SCFD2: variants seen among roughly 807,000 people sequenced by gnomAD.
SCFD2 encodes sec1 family domain containing 2, also known as sec1 family domain-containing protein 2.
A neutral mutation model predicts 58.9 loss-of-function variants in SCFD2; 54 were observed. The ratio of observed to expected loss-of-function variants is 0.92; its 90% confidence interval spans 0.74 to 1.15. The LOEUF (loss-of-function observed/expected upper bound fraction) is 1.15. SCFD2 is among the 50% of genes most tolerant of loss of function. SCFD2 has a pLI of 0.00. For synonymous variants in SCFD2, 321 were observed against 335.9 expected, an observed-to-expected ratio of 0.96 and a Z score of 0.49; for missense variants, 805 against 836.6, an observed-to-expected ratio of 0.96 and a Z score of 0.47.
intron 3 of SCFD2, among the ~76,000 whole-genome samples, chr4:53,300,063 A>T (rs148042298): frequency 0.11 from 16,019 of 152,206 alleles, 948 homozygotes; most frequent in East Asian, 0.22. Context: ...AAACTAGCTA[A>T]CATCATAATG....
intron 3 of SCFD2, among the ~76,000 whole-genome samples, chr4:53,284,377 G>GA (rs1457860619): frequency 2.0e-5 from 3 of 152,078 alleles, no homozygotes; most frequent in African/African-American, 7.2e-5. Flanking sequence ...AACAATTTAA[G>GA]AAAAAAGGTT....
intron 3 of SCFD2, among the ~76,000 whole-genome samples, chr4:53,275,193 A>G (rs1448343996): frequency 1.3e-5 from 2 of 152,248 alleles, no homozygotes; most frequent in Non-Finnish European, 2.9e-5. Flanking sequence ...AATGGCAGAT[A>G]TCACTTAATA....
chr4:52,878,024 G>T (rs1718519821), intron 8 of SCFD2, among the ~76,000 whole-genome samples: 1 of 152,074 alleles, frequency 6.6e-6, no homozygotes, highest in Non-Finnish European at 1.5e-5. Context: ...TCCCCACTCT[G>T]CCCAAAGACC....
At chr4:53,229,136 G>T (rs546637078) in intron 4 of SCFD2, among the ~76,000 whole-genome samples, 9 of 152,154 alleles carry the variant, frequency 5.9e-5, no homozygotes, top group African/African-American at 2.2e-4. Context: ...CAAACAAATG[G>T]AAGAACATCC....
chr4:52,919,222 A>G (rs1358731944), intron 6 of SCFD2, among the ~76,000 whole-genome samples: 1 of 152,208 alleles, frequency 6.6e-6, no homozygotes. Context: ...TAAAATGGGA[A>G]AGACCTCATT....
chr4:53,139,238 G>A (rs1185693052), intron 5 of SCFD2, among the ~76,000 whole-genome samples: 2 of 152,120 alleles, frequency 1.3e-5, no homozygotes, highest in African/African-American at 4.8e-5. Context: ...CCTCCCAGCC[G>A]CCTGCCTTGG....
chr4:53,135,496 G>A (rs1725909272), intron 5 of SCFD2, among the ~76,000 whole-genome samples: 1 of 152,216 alleles, frequency 6.6e-6, no homozygotes, highest in Non-Finnish European at 1.5e-5. Flanking sequence ...AGCACTTTGG[G>A]AGGCCGAGGT....
At chr4:53,012,507 C>T (rs889776973) in intron 5 of SCFD2, among the ~76,000 whole-genome samples, 17 of 151,986 alleles carry the variant, frequency 1.1e-4, no homozygotes, top group African/African-American at 2.2e-4. Context: ...CTATTTGGTC[C>T]GAGGGGCCAC....
chr4:52,883,685 C>T (rs1362658130), intron 8 of SCFD2, among the ~76,000 whole-genome samples: 2 of 152,100 alleles, frequency 1.3e-5, no homozygotes, highest in African/African-American at 2.4e-5. Context: ...TTTGGTTCAC[C>T]ACGTTAGGGG....
chr4:52,933,651 A>T (rs979868854), intron 5 of SCFD2, among the ~76,000 whole-genome samples: 3 of 152,208 alleles, frequency 2.0e-5, no homozygotes, highest in African/African-American at 7.2e-5. Context: ...CAGAATATGC[A>T]CTGGACAGCT....
At chr4:53,334,048 G>T (rs1251634898) in intron 2 of SCFD2, among the ~76,000 whole-genome samples, 1 of 152,044 alleles carries the variant, frequency 6.6e-6, no homozygotes, top group Non-Finnish European at 1.5e-5. Context: ...AAACCACAAT[G>T]AGATACCATC....
At chr4:52,941,184 A>G (rs1720283802) in intron 5 of SCFD2, among the ~76,000 whole-genome samples, 1 of 152,128 alleles carries the variant, frequency 6.6e-6, no homozygotes, top group Non-Finnish European at 1.5e-5. Flanking sequence ...TTAAGCACAT[A>G]TTAATTGAAT....
At chr4:53,002,242 CT>C (rs1476063097) in intron 5 of SCFD2, among the ~76,000 whole-genome samples, 1 of 152,146 alleles carries the variant, frequency 6.6e-6, no homozygotes, top group East Asian at 1.9e-4. Context: ...GACTATCTCC[CT>C]TTCTCTTTAT....
At chr4:52,892,992 C>T (rs1345033891) in intron 7 of SCFD2, among the ~76,000 whole-genome samples, 1 of 152,150 alleles carries the variant, frequency 6.6e-6, no homozygotes, top group African/African-American at 2.4e-5. Flanking sequence ...AAATACTGAA[C>T]CCTATTTCAT....
At chr4:52,915,509 G>A (rs993119297) in intron 6 of SCFD2, among the ~76,000 whole-genome samples, 3 of 152,094 alleles carry the variant, frequency 2.0e-5, no homozygotes, top group Non-Finnish European at 4.4e-5. Flanking sequence ...TAAGATGACT[G>A]TTTTTTCTCC....
At chr4:53,331,908 A>T (rs1441135704) in intron 2 of SCFD2, among the ~76,000 whole-genome samples, 1 of 152,230 alleles carries the variant, frequency 6.6e-6, no homozygotes, top group East Asian at 1.9e-4. Flanking sequence ...AAAATGATAA[A>T]GGGGATATCA....
intron 4 of SCFD2, among the ~76,000 whole-genome samples, chr4:53,194,826 C>T (rs1049849243): frequency 1.3e-5 from 2 of 152,084 alleles, no homozygotes; most frequent in African/African-American, 2.4e-5. Flanking sequence ...CCAGTACACA[C>T]GAGCGACACT....
At chr4:53,143,417 TTGATG>T (rs1726226093) in intron 5 of SCFD2, among the ~76,000 whole-genome samples, 1 of 152,354 alleles carries the variant, frequency 6.6e-6, no homozygotes, top group Admixed American at 6.5e-5. Context: ...TTGATATTTA[TTGATG>T]GCCAAACACA....
In SCFD2 at chr4:53,301,922, C is replaced by G. The variant is rs1216884504; in HGVS notation, c.1135+11714G>C. Among the ~76,000 whole-genome samples, 3 of 152,264 alleles carry G rather than the reference C, an allele frequency of 2.0e-5. No homozygotes were observed. In the East Asian group the frequency reaches 5.8e-4, roughly 29 times the overall value. On this transcript the variant is annotated intron_variant, in intron 3 of 8. Coordinates refer to ENST00000401642, the MANE Select transcript of SCFD2 (RefSeq NM_152540.4). ...AACAACCCTCCATGCTAAAAACTCT[C>G]AATAAATTAGGTATTGATGGGACGT...
Sources: allele counts gnomAD v4.1 joint callset (sites outside exome capture counted in the v4.1 genomes callset), GRCh38; gene constraint gnomAD v4.1.1; transcripts MANE v1.5; gene names NCBI Gene and HGNC (gene_info 2026-07-23, HGNC 2026-07-21).